Variants in DLEC1 observed in about 807,000 individuals in gnomAD.
DLEC1 encodes the protein deleted in lung and esophageal cancer protein 1.
DLEC1 carries 146 observed loss-of-function variants against 198.1 expected under a neutral mutation model. The ratio of observed to expected loss-of-function variants is 0.74; its 90% CI spans 0.64 to 0.85. The LOEUF (loss-of-function observed/expected upper bound fraction) is 0.85, where lower values mean the gene tolerates loss of function less well. DLEC1 is among the 40% of genes least tolerant of loss of function. The pLI is 0.00. For synonymous variants in DLEC1, 897 were observed against 866.8 expected (o/e 1.03, Z -0.61); for missense variants, 2,233 against 2,220.0 (o/e 1.01, Z -0.12).
intron 10 of DLEC1, among the ~76,000 whole-genome samples, chr3:38,088,872 C>T (rs1210095371): frequency 2.6e-5 from 4 of 152,120 alleles, no homozygotes; most frequent in Non-Finnish European, 5.9e-5. Context: ...AGTGGTCTGC[C>T]CCTGGCTGTG....
chr3:38,086,880 G>A (rs2125678153), intron 9 of DLEC1, among the ~76,000 whole-genome samples: 1 of 152,148 alleles, frequency 6.6e-6, no homozygotes, highest in South Asian at 2.1e-4. Flanking sequence ...TTTGAGACCA[G>A]CCTGGCCAAT....
chr3:38,065,600 G>A (rs1196186330), intron 6 of DLEC1, among the ~76,000 whole-genome samples: 1 of 152,180 alleles, frequency 6.6e-6, no homozygotes, highest in Non-Finnish European at 1.5e-5. Context: ...TGGAGTCATA[G>A]AAGGAAAATA....
chr3:38,053,842 T>C (rs1165226030), intron 2 of DLEC1, among the ~76,000 whole-genome samples: 3 of 152,234 alleles, frequency 2.0e-5, no homozygotes, highest in African/African-American at 7.2e-5. Context: ...CATTTTGTTC[T>C]GTACTAAGAA....
intron 6 of DLEC1, among the ~76,000 whole-genome samples, chr3:38,077,505 C>A (rs976557269): frequency 3.9e-5 from 6 of 152,136 alleles, no homozygotes; most frequent in African/African-American, 1.4e-4. Flanking sequence ...TTTAAAAGAC[C>A]TTTAGTCTGT....
chr3:38,107,554 C>A, intron 19 of DLEC1, 30 bp from the exon 20 acceptor site: 2 of 1,552,882 alleles, frequency 1.3e-6, no homozygotes, highest in South Asian at 2.4e-5. Flanking sequence ...CTTTTCTAAT[C>A]AGTATGCCTT....
chr3:38,042,847 G>A (rs189432408), intron 1 of DLEC1, among the ~76,000 whole-genome samples: 2 of 152,240 alleles, frequency 1.3e-5, no homozygotes, highest in East Asian at 1.9e-4. Flanking sequence ...GAGACACTGC[G>A]CCCAGCAATG....
At chr3:38,087,524 TCAGCAC>T (rs1698527966) in intron 9 of DLEC1, among the ~76,000 whole-genome samples, 2 of 143,782 alleles carry the variant, frequency 1.4e-5, no homozygotes, top group Admixed American at 6.8e-5. Flanking sequence ...ACACCATCCA[TCAGCAC>T]TGACACCATC....
Position 38,122,387 on chromosome 3 carries a change from G to C in DLEC1, c.5243G>C (p.Arg1748Thr). 6.2e-7 allele frequency: 1 copy of C among 1,614,180 alleles called. No individual in the cohort carries two copies. Among genetic ancestry groups the C allele is most frequent in the Non-Finnish European group, 8.5e-7 (1 of 1,180,030 alleles). ...RLRGQGSYDE[R>T]YMLPHQP ...CGGGGCCAAGGCTCCTATGATGAGA[G>C]ATACATGTTGCCTCACCAGCCCTGA... Residue 1748 changes from arginine to threonine, a missense_variant, in exon 37 of 37, where the codon AGA becomes ACA. Arg to Thr is a moderately conservative substitution (Grantham distance 71). Transcript: ENST00000308059.
chr3:38,097,966 GA>G, intron 18 of DLEC1, 64 bp downstream of exon 18: 1 of 1,600,120 alleles, frequency 6.2e-7, no homozygotes, highest in South Asian at 1.1e-5. Flanking sequence ...TTGCCCTGGT[GA>G]AACTTGCCCT....
rs182613022 is a variant in DLEC1, at chr3:38,119,193, C to T, written c.4704+1169C>T. Among the ~76,000 whole-genome samples the T allele has an allele frequency of 6.0e-4, 92 of 152,308 alleles. No homozygotes were observed. In the South Asian group the frequency reaches 0.012, roughly 20 times the overall value. On this transcript the variant is annotated intron_variant, in intron 33 of 36. Transcript: ENST00000308059. The stretch of plus-strand genomic sequence containing the variant: ...AATTAATGGTGCTGCATCTCACCCT[C>T]CATGCGCTAACAATGCTCAGGCTTC...
At chr3:38,082,472 G>A (rs1698100078) in intron 6 of DLEC1, among the ~76,000 whole-genome samples, 1 of 152,126 alleles carries the variant, frequency 6.6e-6, no homozygotes, top group African/African-American at 2.4e-5. Context: ...GGGCCCCGCG[G>A]GGCCCGTCCC....
chr3:38,062,332 T>C lies in DLEC1; in HGVS notation c.837T>C (p.Thr279=), dbSNP rs1403009230. Reference sequence around the variant, plus strand: ...TGGACAGCCTGACATGGAATTTAACTCCTAAGGCCAAAGAAAGGACCAGAG... The same window carrying C: ...TGGACAGCCTGACATGGAATTTAACCCCTAAGGCCAAAGAAAGGACCAGAG... ...HTVDSLTWNL[T]PKAKERTREP... The change falls in exon 4 of 37, where the codon ACT becomes ACC. Residue 279 remains threonine (T), a synonymous_variant. Coordinates refer to ENST00000308059, the MANE Select transcript of DLEC1 (RefSeq NM_007335.4). The C allele has an allele frequency of 1.2e-6, 2 of 1,614,020 alleles. No homozygotes were observed. Among genetic ancestry groups the C allele is most frequent in the Non-Finnish European group, 1.7e-6 (2 of 1,180,044 alleles).
intron 11 of DLEC1, among the ~76,000 whole-genome samples, chr3:38,093,116 G>A (rs1464722135): frequency 6.6e-6 from 1 of 152,210 alleles, no homozygotes; most frequent in Non-Finnish European, 1.5e-5. Flanking sequence ...CTTCTAGCAA[G>A]AGACAGCTGG....
At position 38,116,871 on chromosome 3, in the gene DLEC1, T is replaced by G; in HGVS notation, c.4161T>G (p.Cys1387Trp). 6.2e-7 allele frequency: 1 copy of G among 1,613,544 alleles called. No homozygotes were observed. Among genetic ancestry groups the G allele is most frequent in the South Asian group, 1.1e-5 (1 of 91,050 alleles). ...HEGVPSGHLYCISPKQVVVPA... is the reference protein window; with the variant it reads ...HEGVPSGHLYWISPKQVVVPA... Reference sequence around the variant, plus strand: ...GGGTGCCCTCCGGCCACCTGTACTGTATCAGCCCCAAGCAGGTGGTGAGTT... The same window carrying G: ...GGGTGCCCTCCGGCCACCTGTACTGGATCAGCCCCAAGCAGGTGGTGAGTT... The change falls in exon 29 of 37, where the codon TGT (cysteine) becomes TGG (tryptophan). Residue 1387 changes from cysteine to tryptophan, a missense_variant. Transcript: ENST00000308059.
Position 38,094,977 on chromosome 3 carries a change from C to A in DLEC1, c.2018C>A (p.Pro673His), listed in dbSNP as rs769282389. 6.2e-7 allele frequency: 1 copy of A among 1,614,212 alleles called. No individual in the cohort carries two copies. Among genetic ancestry groups the A allele is most frequent in the Admixed American group, 1.7e-5 (1 of 60,024 alleles). ...AGCATGGACAGCATCAAGTGCTACCCCGACAAGGAGACTGCCTTCTCCATC... is the reference window on the plus strand; with the variant it reads ...AGCATGGACAGCATCAAGTGCTACCACGACAAGGAGACTGCCTTCTCCATC... Reference protein sequence around the residue: ...TFSMDSIKCYPDKETAFSIMP... With the variant: ...TFSMDSIKCYHDKETAFSIMP... The change falls in exon 13 of 37, where the codon CCC (proline) becomes CAC (histidine). Residue 673 changes from proline to histidine, a missense_variant. By Grantham distance (77) the Pro-to-His change is moderately conservative. Coordinates refer to ENST00000308059, the MANE Select transcript of DLEC1 (RefSeq NM_007335.4).
chr3:38,113,716 C>T (rs1378046564), intron 25 of DLEC1, among the ~76,000 whole-genome samples: 2 of 151,542 alleles, frequency 1.3e-5, no homozygotes, highest in Non-Finnish European at 2.9e-5. Flanking sequence ...AATAATAATC[C>T]TATATTGTTA....
chr3:38,114,453 G>A lies in DLEC1; in HGVS notation c.3778G>A (p.Ala1260Thr), dbSNP rs759248381. ...YTIDQAQKEP[A>T]MRFGTQVSGG... is the part of the protein sequence containing the mutation. The stretch of plus-strand genomic sequence containing the variant: ...TATTGACCAGGCCCAGAAGGAACCA[G>A]CCATGAGGTGCTCCATGCTCAGCCT... Residue 1260 changes from alanine (A) to threonine (T), a missense_variant, in exon 26 of 37, where the codon GCC becomes ACC. Physicochemically the swap from Ala to Thr is moderately conservative, Grantham distance 58. Coordinates refer to ENST00000308059, the MANE Select transcript of DLEC1 (RefSeq NM_007335.4). 8.1e-6 allele frequency: 13 copies of A among 1,614,086 alleles called. No individual in the cohort carries two copies. The highest frequency in any genetic ancestry group is 1.1e-5 in the Non-Finnish European group (13 of 1,179,926).
intron 7 of DLEC1, among the ~76,000 whole-genome samples, 169 bp downstream of exon 7, chr3:38,084,414 GTA>G (rs1377673659): frequency 6.8e-6 from 1 of 148,122 alleles, no homozygotes; most frequent in East Asian, 2.0e-4. Context: ...GGTGGTGGTA[GTA>G]GTAGTGGTAG....
At chr3:38,096,061 C>A (rs1169352465) in intron 14 of DLEC1, 115 bp downstream of exon 14, 3 of 1,286,932 alleles carry the variant, frequency 2.3e-6, no homozygotes, top group Non-Finnish European at 2.2e-6. Flanking sequence ...TCCCCGCAGG[C>A]TTTGGGGAGT....
Sources: allele counts gnomAD v4.1 joint callset (sites outside exome capture counted in the v4.1 genomes callset), GRCh38; gene constraint gnomAD v4.1.1; transcripts MANE v1.5; gene names NCBI Gene and HGNC (gene_info 2026-07-23, HGNC 2026-07-21).